GRM7: variants seen among roughly 807,000 people sequenced by gnomAD.
GRM7 encodes the protein metabotropic glutamate receptor 7.
A neutral mutation model predicts 84.5 loss-of-function variants in GRM7; 35 were observed. The observed-to-expected ratio is 0.41, with a 90% CI of 0.32 to 0.55. GRM7 has a LOEUF of 0.55. Ranked by LOEUF, GRM7 falls within the 20% of genes least tolerant of loss-of-function variation. The probability of loss-of-function intolerance (pLI) is 0.19; values close to 1 mark genes in which losing one functional copy is unlikely to be tolerated. For missense variants in GRM7, 1,003 were observed against 1,194.6 expected, an observed-to-expected ratio of 0.84 and a Z score of 2.36; for synonymous variants, 487 against 455.1, an observed-to-expected ratio of 1.07 and a Z score of -0.89.
intron 2 of GRM7, among the ~76,000 whole-genome samples, chr3:7,170,275 G>T (rs1239981638): frequency 6.6e-6 from 1 of 152,150 alleles, no homozygotes; most frequent in South Asian, 2.1e-4. Flanking sequence ...GGTGGTTCAT[G>T]GGCAAATCGT....
intron 1 of GRM7, among the ~76,000 whole-genome samples, chr3:7,031,542 G>A (rs184495510): frequency 0.031 from 4,749 of 151,716 alleles, 264 homozygotes; most frequent in African/African-American, 0.11. Flanking sequence ...CCAGCCTCCC[G>A]AGTAGCTGGG....
At chr3:7,732,032 C>T (rs1279286345) in intron 9 of GRM7, among the ~76,000 whole-genome samples, 3 of 151,630 alleles carry the variant, frequency 2.0e-5, no homozygotes, top group Non-Finnish European at 2.9e-5. Flanking sequence ...GTGGTATGGC[C>T]GGCCTCGTGT....
At chr3:7,192,101 G>A (rs1490179148) in intron 2 of GRM7, among the ~76,000 whole-genome samples, 2 of 152,110 alleles carry the variant, frequency 1.3e-5, no homozygotes, top group African/African-American at 4.8e-5. Flanking sequence ...TGCGAGCTAA[G>A]GCTGGATGAT....
chr3:7,629,657 C>T (rs1697780013), intron 8 of GRM7, among the ~76,000 whole-genome samples: 1 of 152,174 alleles, frequency 6.6e-6, no homozygotes, highest in South Asian at 2.1e-4. Flanking sequence ...TGATACAAAG[C>T]TTTAAGAACT....
intron 8 of GRM7, chr3:7,608,049 C>A: frequency 2.8e-6 from 1 of 358,760 alleles, no homozygotes; most frequent in South Asian, 1.9e-5. Flanking sequence ...TATGTTCCTG[C>A]AAAAGACATG....
chr3:6,866,276 A>T (rs1456509056), intron 1 of GRM7, among the ~76,000 whole-genome samples: 3 of 151,998 alleles, frequency 2.0e-5, no homozygotes, highest in Non-Finnish European at 4.4e-5. Context: ...CAATCCTGCC[A>T]TTAACTGGCT....
intron 4 of GRM7, among the ~76,000 whole-genome samples, chr3:7,404,995 A>G (rs1310625720): frequency 6.6e-6 from 1 of 152,156 alleles, no homozygotes; most frequent in African/African-American, 2.4e-5. Flanking sequence ...GTGTCTTCCA[A>G]GAGAGCATAT....
At chr3:7,114,432 C>G (rs1692962401) in intron 1 of GRM7, among the ~76,000 whole-genome samples, 1 of 152,176 alleles carries the variant, frequency 6.6e-6, no homozygotes, top group African/African-American at 2.4e-5. Context: ...ACATTCACAT[C>G]TGGTGACCCC....
At chr3:7,295,146 A>T (rs1274471252) in intron 2 of GRM7, among the ~76,000 whole-genome samples, 1 of 152,144 alleles carries the variant, frequency 6.6e-6, no homozygotes. Flanking sequence ...TATATTTTAC[A>T]CTTGGGTGTA....
intron 8 of GRM7, among the ~76,000 whole-genome samples, chr3:7,659,385 G>C (rs1699336116): frequency 6.6e-6 from 1 of 152,108 alleles, no homozygotes; most frequent in African/African-American, 2.4e-5. Context: ...GCTTCCATTG[G>C]ATTAATCTAG....
intron 1 of GRM7, among the ~76,000 whole-genome samples, chr3:6,968,278 C>T (rs1413176068): frequency 1.3e-5 from 2 of 152,162 alleles, no homozygotes; most frequent in African/African-American, 4.8e-5. Flanking sequence ...CTGTGCCTGT[C>T]TGTCTCTGTG....
Position 7,680,081 on chromosome 3 carries a change from C to T in GRM7, c.2484C>T (p.Ser828=). 1 of 1,614,024 alleles carries T rather than the reference C, an allele frequency of 6.2e-7. No individual in the cohort carries two copies. The highest frequency in any genetic ancestry group is 8.5e-7 in the Non-Finnish European group (1 of 1,179,876). Residue 828 remains serine, a synonymous_variant, in exon 9 of 10, where the codon TCC becomes TCT. Transcript: ENST00000357716. ...TACAAACTACCACGCTTACAATCTC[C>T]ATGAACCTAAGTGCATCAGTGGCGC... The part of the protein sequence containing the change: ...LYIQTTTLTI[S]MNLSASVALG...
chr3:7,143,161 G>T (rs1007597927), intron 1 of GRM7, among the ~76,000 whole-genome samples: 1 of 152,104 alleles, frequency 6.6e-6, no homozygotes, highest in Non-Finnish European at 1.5e-5. Context: ...GAAGTTAATT[G>T]CTAAAGATGC....
chr3:7,636,198 G>C (rs570923249), intron 8 of GRM7: 2 of 456,602 alleles, frequency 4.4e-6, no homozygotes, highest in Non-Finnish European at 8.8e-6. Context: ...CATTCTTCAA[G>C]ATTTAACTTG....
intron 7 of GRM7, among the ~76,000 whole-genome samples, chr3:7,506,227 C>G (rs1700036123): frequency 6.6e-6 from 1 of 152,122 alleles, no homozygotes; most frequent in Non-Finnish European, 1.5e-5. Flanking sequence ...ATTCCAGTTT[C>G]CAACACCTCC....
chr3:7,035,518 G>A (rs977368317), intron 1 of GRM7, among the ~76,000 whole-genome samples: 10 of 152,120 alleles, frequency 6.6e-5, no homozygotes, highest in Admixed American at 6.5e-4. Flanking sequence ...GTGAGGGGTG[G>A]CTATCCGAAA....
At chr3:7,692,656 A>T (rs1700851792) in intron 9 of GRM7, among the ~76,000 whole-genome samples, 1 of 152,206 alleles carries the variant, frequency 6.6e-6, no homozygotes, top group Non-Finnish European at 1.5e-5. Flanking sequence ...CCATTGAAGC[A>T]GGTCTTATTG....
At chr3:7,526,225 A>AG (rs1449326621) in intron 7 of GRM7, among the ~76,000 whole-genome samples, 3 of 152,026 alleles carry the variant, frequency 2.0e-5, no homozygotes, top group Non-Finnish European at 2.9e-5. Context: ...CCTTTTAATA[A>AG]CAGCCATTCT....
intron 2 of GRM7, among the ~76,000 whole-genome samples, chr3:7,224,928 C>T (rs996031741): frequency 1.3e-5 from 2 of 152,074 alleles, no homozygotes; most frequent in African/African-American, 4.8e-5. Context: ...GCTGCATGTA[C>T]CCTTGTGTTG....
Sources: gnomAD v4.1 joint callset for allele counts (sites outside exome capture counted in the v4.1 genomes callset) on GRCh38, gnomAD v4.1.1 for gene constraint, MANE v1.5 for transcripts, NCBI Gene and HGNC (gene_info 2026-07-23, HGNC 2026-07-21) for gene names.